DISP1: variants seen among roughly 807,000 people sequenced by gnomAD.
DISP1 encodes protein dispatched homolog 1.
In DISP1, 30 loss-of-function variants were observed where a neutral mutation model predicts 37.3. That is an observed-to-expected ratio of 0.80 (90% CI 0.60 to 1.09). DISP1 has a LOEUF of 1.09. Ranked by LOEUF, DISP1 falls within the 50% of genes least tolerant of loss-of-function variation. The pLI, the probability that DISP1 is intolerant of heterozygous loss-of-function variation, is 0.00. For synonymous variants in DISP1, 634 were observed against 690.2 expected, an observed-to-expected ratio of 0.92 and a Z score of 1.28; for missense variants, 1,598 against 1,879.5, an observed-to-expected ratio of 0.85 and a Z score of 2.77.
chr1:222,957,982 T>C (rs1466741384), intron 3 of DISP1, among the ~76,000 whole-genome samples: 2 of 152,228 alleles, frequency 1.3e-5, no homozygotes, highest in African/African-American at 2.4e-5. Flanking sequence ...CCATGTACAT[T>C]ATGCAGAAAA....
chr1:222,906,174 T>C (rs1421364974), intron 1 of DISP1, among the ~76,000 whole-genome samples: 2 of 152,178 alleles, frequency 1.3e-5, no homozygotes, highest in African/African-American at 2.4e-5. Context: ...AACATATAAA[T>C]AGTGGCATCT....
intron 8 of DISP1, among the ~76,000 whole-genome samples, chr1:223,001,320 T>C: frequency 6.6e-6 from 1 of 152,244 alleles, no homozygotes; most frequent in Admixed American, 6.5e-5. Flanking sequence ...ATAAACTTTA[T>C]GGAAGAAATA....
intron 1 of DISP1, among the ~76,000 whole-genome samples, chr1:222,887,573 A>G (rs1195811281): frequency 8.1e-6 from 1 of 123,616 alleles, no homozygotes; most frequent in Non-Finnish European, 1.6e-5. Context: ...ATCTCGGCTC[A>G]CTGCAAGCTC....
intron 4 of DISP1, among the ~76,000 whole-genome samples, chr1:222,984,877 G>T (rs149692860): frequency 6.6e-6 from 1 of 152,052 alleles, no homozygotes; most frequent in African/African-American, 2.4e-5. Flanking sequence ...CGTATGAGTC[G>T]AATCCTACAG....
At chr1:222,982,988 A>C in intron 3 of DISP1, 92 bp from the exon 4 acceptor site, 2 of 948,618 alleles carry the variant, frequency 2.1e-6, no homozygotes, top group Non-Finnish European at 1.6e-6. Context: ...AACAAGTAAA[A>C]TGTTCAACAC....
intron 1 of DISP1, among the ~76,000 whole-genome samples, chr1:222,849,910 A>C (rs552191736): frequency 6.6e-6 from 1 of 152,262 alleles, no homozygotes; most frequent in South Asian, 2.1e-4. Context: ...AAGGAACACA[A>C]ACAGGAGAGG....
Position 222,936,934 on chromosome 1 carries a change from TA to T in DISP1, c.-17-5872del, listed in dbSNP as rs1673936921. Reference sequence around the variant, plus strand: ...ATATTATATATTATATAATATGTAATATATATTATATATTACATATTATATT... The same window carrying T: ...ATATTATATATTATATAATATGTAATTATATTATATATTACATATTATATT... On this transcript the variant is annotated intron_variant, in intron 2 of 8. Coordinates refer to ENST00000675850, the MANE Select transcript of DISP1 (RefSeq NM_001377229.1). 1.1e-4 allele frequency among the ~76,000 whole-genome samples: 8 copies of T among 73,278 alleles called. No individual in the cohort carries two copies. The East Asian group carries it at 1.4e-3, about 13-fold the overall frequency. The allele number at this position is 73,278 out of a possible 152,430, so 48.1% of individuals were successfully genotyped here.
chr1:222,982,696 C>A (rs1677921544), intron 3 of DISP1, among the ~76,000 whole-genome samples: 2 of 152,070 alleles, frequency 1.3e-5, no homozygotes, highest in Admixed American at 1.3e-4. Flanking sequence ...GGGATCTTTG[C>A]TACGTAAGGA....
At chr1:222,886,242 G>A (rs959127283) in intron 1 of DISP1, among the ~76,000 whole-genome samples, 3 of 152,192 alleles carry the variant, frequency 2.0e-5, no homozygotes, top group African/African-American at 4.8e-5. Flanking sequence ...TGAACAGTGA[G>A]TGTTGACAGA....
At chr1:222,944,284 GC>G (rs1290038779) in intron 3 of DISP1, among the ~76,000 whole-genome samples, 12 of 152,220 alleles carry the variant, frequency 7.9e-5, no homozygotes, top group Admixed American at 6.5e-5. Flanking sequence ...CATTGCCAGT[GC>G]TTATTTCCAC....
intron 1 of DISP1, among the ~76,000 whole-genome samples, chr1:222,904,574 A>AT (rs1228587998): frequency 6.2e-4 from 75 of 121,240 alleles, no homozygotes; most frequent in East Asian, 1.7e-3. Context: ...TTTTTATTTT[A>AT]TTTTTTTTTT....
At chr1:222,951,591 A>G (rs1675227140) in intron 3 of DISP1, among the ~76,000 whole-genome samples, 1 of 152,182 alleles carries the variant, frequency 6.6e-6, no homozygotes, top group African/African-American at 2.4e-5. Flanking sequence ...CGCAGATCCC[A>G]CAGTCTCTGC....
chr1:222,956,762 G>A (rs747188689), intron 3 of DISP1, among the ~76,000 whole-genome samples: 78 of 152,062 alleles, frequency 5.1e-4, no homozygotes, highest in Middle Eastern at 3.4e-3. Flanking sequence ...ATGCTCTTAA[G>A]TTAGTTAAGT....
intron 1 of DISP1, among the ~76,000 whole-genome samples, chr1:222,851,255 G>A (rs951552633): frequency 6.6e-6 from 1 of 151,712 alleles, no homozygotes; most frequent in South Asian, 2.1e-4. Flanking sequence ...TAGTAGAGTC[G>A]GAGTTTTGCC....
At chr1:222,819,031 G>A (rs1227532054) in intron 1 of DISP1, among the ~76,000 whole-genome samples, 1 of 152,186 alleles carries the variant, frequency 6.6e-6, no homozygotes, top group South Asian at 2.1e-4. Context: ...GTGGAGTCTG[G>A]TGGTAGGTGA....
chr1:222,860,825 A>T (rs1426905238), intron 1 of DISP1, among the ~76,000 whole-genome samples: 1 of 152,040 alleles, frequency 6.6e-6, no homozygotes, highest in Non-Finnish European at 1.5e-5. Context: ...GTGAGCCAAG[A>T]TCTCACCACT....
chr1:222,982,737 G>T (rs148952468), intron 3 of DISP1, among the ~76,000 whole-genome samples: 1 of 152,250 alleles, frequency 6.6e-6, no homozygotes, highest in East Asian at 1.9e-4. Flanking sequence ...GAGGGATGTG[G>T]ATTCCTGTTA....
intron 3 of DISP1, among the ~76,000 whole-genome samples, chr1:222,961,463 C>T (rs1572632609): frequency 6.6e-6 from 1 of 152,120 alleles, no homozygotes; most frequent in African/African-American, 2.4e-5. Flanking sequence ...ATTGATGGAA[C>T]GTATCTCAGA....
chr1:222,834,259 A>G (rs992571312), intron 1 of DISP1, among the ~76,000 whole-genome samples: 1 of 152,202 alleles, frequency 6.6e-6, no homozygotes, highest in Non-Finnish European at 1.5e-5. Context: ...TAAACAGAGC[A>G]TAGCATCCTG....
Sources: allele counts gnomAD v4.1 joint callset (sites outside exome capture counted in the v4.1 genomes callset), GRCh38; gene constraint gnomAD v4.1.1; transcripts MANE v1.5; gene names NCBI Gene and HGNC (gene_info 2026-07-23, HGNC 2026-07-21).